Variants in TFB2M observed in about 807,000 individuals in gnomAD.
TFB2M encodes the protein transcription factor B2, mitochondrial.
In TFB2M, 44 loss-of-function variants were observed where a neutral mutation model predicts 41.3. The ratio of observed to expected loss-of-function variants is 1.07; its 90% confidence interval spans 0.84 to 1.37. TFB2M has a LOEUF of 1.37. TFB2M is among the 40% of genes most tolerant of loss of function. The pLI, the probability that TFB2M is intolerant of heterozygous loss-of-function variation, is 0.00. For synonymous variants in TFB2M, 188 were observed against 176.8 expected, an observed-to-expected ratio of 1.06 and a Z score of -0.50; for missense variants, 496 against 490.2, an observed-to-expected ratio of 1.01 and a Z score of -0.11.
chr1:246,553,045 C>A (rs1018180325), intron 4 of TFB2M, among the ~76,000 whole-genome samples: 1 of 151,948 alleles, frequency 6.6e-6, no homozygotes, highest in African/African-American at 2.4e-5. Context: ...CATGGTGAAA[C>A]CCCATCTGTA....
At chr1:246,549,757 T>C (rs1323006393) in intron 5 of TFB2M, among the ~76,000 whole-genome samples, 1 of 152,178 alleles carries the variant, frequency 6.6e-6, no homozygotes, top group East Asian at 1.9e-4. Context: ...AACAATTTAT[T>C]ATTAACTGCA....
intron 7 of TFB2M, among the ~76,000 whole-genome samples, chr1:246,542,177 T>C (rs1179666428): frequency 6.6e-6 from 1 of 151,866 alleles, no homozygotes; most frequent in African/African-American, 2.4e-5. Flanking sequence ...GGGACCACTA[T>C]TGTACATTTG....
chr1:246,546,302 C>T (rs1408169593), intron 6 of TFB2M, among the ~76,000 whole-genome samples: 5 of 39,510 alleles, frequency 1.3e-4, no homozygotes, highest in Non-Finnish European at 4.9e-4. Context: ...AAGAGTGAGA[C>T]ACTGTCTTTT....
Position 246,566,162 on chromosome 1 carries a change from C to G in TFB2M, c.-24G>C. On this transcript the variant is annotated 5_prime_UTR_variant, in exon 1 of 8. Coordinates refer to ENST00000366514, the MANE Select transcript of TFB2M (RefSeq NM_022366.3). ...ATGTCCTTGTCTCTCAGGCCCGCTC[C>G]AAGAATCACCTAGTGCAGCTACTAC... The G allele has an allele frequency of 6.3e-7, 1 of 1,592,598 alleles. No individual in the cohort carries two copies. The highest frequency in any genetic ancestry group is 8.6e-7 in the Non-Finnish European group (1 of 1,165,420).
chr1:246,564,681 CTTTTT>C (rs552531866), intron 1 of TFB2M, among the ~76,000 whole-genome samples: 1 of 141,196 alleles, frequency 7.1e-6, no homozygotes, highest in Non-Finnish European at 1.6e-5. Flanking sequence ...AACCTGCACT[CTTTTT>C]TTTTTTTTTT....
intron 5 of TFB2M, among the ~76,000 whole-genome samples, chr1:246,548,866 A>G (rs1011383067): frequency 6.6e-6 from 1 of 152,248 alleles, no homozygotes; most frequent in African/African-American, 2.4e-5. Flanking sequence ...GCAATTACGC[A>G]AATAAGTATT....
chr1:246,552,997 G>A lies in TFB2M; in HGVS notation c.706-1695C>T, dbSNP rs183635910. ...AGCACTTTGGGAGGCTGAGGCAGGC[G>A]GATCATGAGGTCACCAGTTTGAGAC... On this transcript the variant is annotated intron_variant, in intron 4 of 7. Transcript: ENST00000366514. Among the ~76,000 whole-genome samples the A allele has an allele frequency of 3.3e-3, 502 of 152,184 alleles. 6 individuals are homozygous for A. The Middle Eastern group carries it at 0.034, about 10-fold the overall frequency.
In TFB2M at chr1:246,540,947, A is replaced by T; in HGVS notation, c.*84T>A. The T allele has an allele frequency of 2.9e-6, 4 of 1,361,304 alleles. No individual in the cohort carries two copies. The South Asian group carries it at 5.6e-5, about 19-fold the overall frequency. The allele number at this position is 1,361,304 out of a possible 1,614,324, so 84.3% of individuals were successfully genotyped here. A position where few individuals can be genotyped will look rare whatever the true frequency, so the allele number is the denominator to read the frequency against. On this transcript the variant is annotated 3_prime_UTR_variant, in exon 8 of 8. Transcript: ENST00000366514. ...AGACAAGAACAGTTACCTTCTGCTGAAAGGATGTGAGTTTTCAAATTTGGT... is the reference window on the plus strand; with the variant it reads ...AGACAAGAACAGTTACCTTCTGCTGTAAGGATGTGAGTTTTCAAATTTGGT...
chr1:246,559,271 G>A (rs770420047), intron 2 of TFB2M, among the ~76,000 whole-genome samples: 7 of 152,078 alleles, frequency 4.6e-5, no homozygotes, highest in Admixed American at 6.5e-5. Flanking sequence ...AATTTTGGCC[G>A]GGTGCAGTGG....
At chr1:246,544,731 T>A in intron 6 of TFB2M, 50 bp from the exon 7 acceptor site, 5 of 1,507,496 alleles carry the variant, frequency 3.3e-6, no homozygotes, top group Non-Finnish European at 4.5e-6. Flanking sequence ...ATTGCCAGAG[T>A]AAGACATTGC....
chr1:246,555,722 C>T (rs988339142), intron 4 of TFB2M, among the ~76,000 whole-genome samples: 1 of 152,100 alleles, frequency 6.6e-6, no homozygotes, highest in Non-Finnish European at 1.5e-5. Context: ...AGCATTATTC[C>T]CAACAGCCAA....
At chr1:246,546,307 T>C (rs1465348318) in intron 6 of TFB2M, among the ~76,000 whole-genome samples, 1 of 33,612 alleles carries the variant, frequency 3.0e-5, no homozygotes, top group Non-Finnish European at 1.3e-4. Flanking sequence ...TGAGACACTG[T>C]CTTTTAAAAA....
Position 246,566,237 on chromosome 1 carries a change from G to T in TFB2M, c.-99C>A. The T allele has an allele frequency of 8.0e-7, 1 of 1,255,612 alleles. No individual in the cohort carries two copies. The highest frequency in any genetic ancestry group is 1.1e-6 in the Non-Finnish European group (1 of 909,212). The allele number at this position is 1,255,612 out of a possible 1,614,324, so 77.8% of individuals were successfully genotyped here. The stretch of plus-strand genomic sequence containing the variant: ...ACGTGGAACATTTTCTGGCGTCCGG[G>T]CCAGGTCAAGCGGAAGTAAACACTA... On this transcript the variant is annotated 5_prime_UTR_variant, in exon 1 of 8. Coordinates refer to ENST00000366514, the MANE Select transcript of TFB2M (RefSeq NM_022366.3).
At chr1:246,541,599 A>C (rs2102981604) in intron 7 of TFB2M, among the ~76,000 whole-genome samples, 1 of 152,364 alleles carries the variant, frequency 6.6e-6, no homozygotes, top group African/African-American at 2.4e-5. Flanking sequence ...TTATTTCTAA[A>C]GTTTCATAGC....
intron 7 of TFB2M, among the ~76,000 whole-genome samples, chr1:246,544,132 C>T (rs1658934757): frequency 6.6e-6 from 1 of 152,172 alleles, no homozygotes; most frequent in African/African-American, 2.4e-5. Flanking sequence ...TTATCTATCC[C>T]TACTCTGGTT....
In TFB2M at chr1:246,556,047, T is replaced by C. The variant is rs555096229; in HGVS notation, c.705+526A>G. Among the ~76,000 whole-genome samples the C allele has an allele frequency of 4.3e-3, 658 of 152,258 alleles. 5 individuals carry two copies. Among genetic ancestry groups the C allele is most frequent in the African/African-American group, 0.015 (625 of 41,532 alleles). On this transcript the variant is annotated intron_variant, in intron 4 of 7. Coordinates refer to ENST00000366514, the MANE Select transcript of TFB2M (RefSeq NM_022366.3). ...CTCAAGCGATCAGCATGCCTTGGCC[T>C]CCCAGAGTGCTGGGATTACAGGAGT...
chr1:246,559,934 AG>A (rs1292659580), intron 2 of TFB2M, among the ~76,000 whole-genome samples: 7 of 152,232 alleles, frequency 4.6e-5, no homozygotes, highest in Non-Finnish European at 2.9e-5. Flanking sequence ...GGAAGCTAAA[AG>A]AAAGAGTACC....
intron 6 of TFB2M, among the ~76,000 whole-genome samples, chr1:246,548,010 G>A (rs1372038936): frequency 1.3e-5 from 2 of 148,370 alleles, no homozygotes; most frequent in African/African-American, 5.0e-5. Context: ...GCAGTGGCAC[G>A]ATCTTGGCTC....
intron 4 of TFB2M, 150 bp from the exon 5 acceptor site, chr1:246,551,452 C>T: frequency 1.6e-6 from 1 of 612,996 alleles, no homozygotes; most frequent in Non-Finnish European, 2.8e-6. Context: ...TGCAGCGGTG[C>T]ACGCCTGTAG....
Sources: gnomAD v4.1 joint callset for allele counts (sites outside exome capture counted in the v4.1 genomes callset) on GRCh38, gnomAD v4.1.1 for gene constraint, MANE v1.5 for transcripts, NCBI Gene and HGNC (gene_info 2026-07-23, HGNC 2026-07-21) for gene names.